ALG10: variants seen among roughly 807,000 people sequenced by gnomAD.
ALG10 encodes dol-P-Glc:Glc(2)Man(9)GlcNAc(2)-PP-Dol alpha-1,2-glucosyltransferase A.
Under a neutral mutation model 39.2 loss-of-function variants are expected in ALG10, and 25 were observed. The ratio of observed to expected loss-of-function variants is 0.64; its 90% CI spans 0.46 to 0.89. ALG10 has a LOEUF of 0.89. Among genes scored for constraint, ALG10 ranks in the 40% least tolerant of loss-of-function variants. The pLI is 0.00. For synonymous variants in ALG10, 184 were observed against 193.9 expected (o/e 0.95, Z 0.42); for missense variants, 486 against 546.6 (o/e 0.89, Z 1.11).
chr12:34,028,140 C>T lies in ALG10; in HGVS notation c.*1225C>T, dbSNP rs543430953. On this transcript the variant is annotated 3_prime_UTR_variant, in exon 3 of 3. Transcript: ENST00000266483. ...TCAGTCCATGACAGTTACTAAAGGA[C>T]ATTTTAGGATAGTCTTCATATGATT... is the stretch of plus-strand genomic sequence containing the variant. The T allele has an allele frequency of 1.3e-5, 2 of 152,196 alleles. No homozygotes were observed. Among genetic ancestry groups the T allele is most frequent in the South Asian group, 4.2e-4 (2 of 4,818 alleles). 9.4% of individuals were successfully genotyped at this position (152,196 alleles called of 1,614,324 possible). A position where few individuals can be genotyped will look rare whatever the true frequency, so the allele number is the denominator to read the frequency against.
intron 1 of ALG10, 57 bp downstream of exon 1, chr12:34,022,827 C>T: frequency 6.2e-7 from 1 of 1,610,260 alleles, no homozygotes; most frequent in Non-Finnish European, 8.5e-7. Context: ...CCAGCGTCCC[C>T]ACGTCCTCCC....
rs1591869946 is a variant in ALG10 at position 34,024,033 on chromosome 12, G to A, written c.243G>A (p.Trp81Ter). The A allele has an allele frequency of 1.9e-6, 3 of 1,614,134 alleles. No homozygotes were observed. The highest frequency in any genetic ancestry group is 2.5e-6 in the Non-Finnish European group (3 of 1,180,006). Reference protein sequence around the residue: ...VSIGVIKPAIWIFGWSEHVVC... With the variant: ...VSIGVIKPAI Reference sequence around the variant, plus strand: ...TTGGAGTGATCAAACCTGCCATTTGGATCTTTGGATGGTCTGAACATGTTG... The same window carrying A: ...TTGGAGTGATCAAACCTGCCATTTGAATCTTTGGATGGTCTGAACATGTTG... Residue 81 changes from tryptophan (W) to a stop codon, truncating the protein, a stop_gained, in exon 2 of 3, where the codon TGG becomes TGA. Transcript: ENST00000266483. LOFTEE classifies it high-confidence loss of function.
intron 2 of ALG10, 75 bp downstream of exon 2, chr12:34,024,234 T>G (rs1205283198): frequency 1.0e-5 from 16 of 1,547,406 alleles, no homozygotes; most frequent in South Asian, 1.1e-5. Context: ...TTTTATGAGA[T>G]TTGGTGAAAA....
At chr12:34,025,237 G>T (rs1286523234) in intron 2 of ALG10, among the ~76,000 whole-genome samples, 1 of 152,098 alleles carries the variant, frequency 6.6e-6, no homozygotes, top group African/African-American at 2.4e-5. Flanking sequence ...TACAATTCAA[G>T]AACATAAGAA....
At chr12:34,024,592 C>G (rs1384647335) in intron 2 of ALG10, among the ~76,000 whole-genome samples, 1 of 152,146 alleles carries the variant, frequency 6.6e-6, no homozygotes, top group Non-Finnish European at 1.5e-5. Flanking sequence ...TGCCACTTAA[C>G]CAGTTTTGTT....
At chr12:34,025,183 G>T (rs1843015) in intron 2 of ALG10, among the ~76,000 whole-genome samples, 2 of 152,212 alleles carry the variant, frequency 1.3e-5, no homozygotes, top group South Asian at 4.1e-4. Context: ...TTTTAATCAA[G>T]GAAATGGCAT....
In ALG10 at chr12:34,024,074, T is replaced by G; in HGVS notation, c.284T>G (p.Met95Arg). ...WSEHVVCSIGMLRFVNLLFSV... is the reference protein window; with the variant it reads ...WSEHVVCSIGRLRFVNLLFSV... ...GAACATGTTGTCTGCTCCATTGGGATGCTCAGATTTGTTAATCTTCTCTTC... is the reference window on the plus strand; with the variant it reads ...GAACATGTTGTCTGCTCCATTGGGAGGCTCAGATTTGTTAATCTTCTCTTC... Residue 95 changes from methionine (M) to arginine (R), a missense_variant, in exon 2 of 3, where the codon ATG becomes AGG. Met to Arg is a moderately conservative substitution (Grantham distance 91). Coordinates refer to ENST00000266483, the MANE Select transcript of ALG10 (RefSeq NM_032834.4). 2 of 1,614,188 alleles carry G rather than the reference T, an allele frequency of 1.2e-6. No individual in the cohort carries two copies. The highest frequency in any genetic ancestry group is 3.3e-4 in the Middle Eastern group (2 of 6,062).
rs1942788007 is a variant in ALG10, at chr12:34,022,526, A to G, written c.-74A>G. On this transcript the variant is annotated 5_prime_UTR_variant, in exon 1 of 3. Transcript: ENST00000266483. ...CGCCTAGCGCGCCCATTTCGAGCCCAAGTTTCCAGCTCGGGTTTCCAGGCT... is the reference window on the plus strand; with the variant it reads ...CGCCTAGCGCGCCCATTTCGAGCCCGAGTTTCCAGCTCGGGTTTCCAGGCT... 3 of 1,612,310 alleles carry G rather than the reference A, an allele frequency of 1.9e-6. No homozygotes were observed. The highest frequency in any genetic ancestry group is 1.1e-5 in the South Asian group (1 of 91,002).
chr12:34,027,038 T>C lies in ALG10; in HGVS notation c.*123T>C. 9.8e-7 allele frequency: 1 copy of C among 1,017,826 alleles called. No homozygotes were observed. The highest frequency in any genetic ancestry group is 1.4e-6 in the Non-Finnish European group (1 of 724,604). The allele number at this position is 1,017,826 out of a possible 1,614,324, so 63.0% of individuals were successfully genotyped here. ...TGCAGTGGTGGTCTTCAAATTACATTAGTTTTTTTTATATATATTTTAAAC... is the reference window on the plus strand; with the variant it reads ...TGCAGTGGTGGTCTTCAAATTACATCAGTTTTTTTTATATATATTTTAAAC... On this transcript the variant is annotated 3_prime_UTR_variant, in exon 3 of 3. Coordinates refer to ENST00000266483, the MANE Select transcript of ALG10 (RefSeq NM_032834.4).
intron 1 of ALG10, 153 bp from the exon 2 acceptor site, chr12:34,023,809 A>T: frequency 9.4e-7 from 1 of 1,065,784 alleles, no homozygotes; most frequent in Non-Finnish European, 1.4e-6. Flanking sequence ...AGAAAAACGA[A>T]TCCTGTTCTG....
intron 2 of ALG10, among the ~76,000 whole-genome samples, chr12:34,024,869 A>G (rs1357586711): frequency 1.3e-5 from 2 of 152,162 alleles, no homozygotes; most frequent in East Asian, 1.9e-4. Flanking sequence ...GGAGCAGGGG[A>G]ACACTTACTG....
upstream of ALG10, chr12:34,022,475 G>T (rs1294814695): frequency 2.7e-6 from 4 of 1,487,046 alleles, no homozygotes; most frequent in Non-Finnish European, 3.7e-6. Context: ...TTTGCCTTCC[G>T]GTATGTGGCC....
rs763725201 is a variant in ALG10, at chr12:34,026,845, C to CT, written c.1358dup (p.Ile454HisfsTer12). ...TGCTATGCAGTTGTTAATTTCATAA[C>CT]TTTTTTCATCTTTCTGAACAAGACT... On this transcript the variant is annotated frameshift_variant, in exon 3 of 3. Transcript: ENST00000266483. LOFTEE classifies it high-confidence loss of function. 3 of 1,613,664 alleles carry CT rather than the reference C, an allele frequency of 1.9e-6. No homozygotes were observed. Among genetic ancestry groups the CT allele is most frequent in the African/African-American group, 1.3e-5 (1 of 74,896 alleles).
At chr12:34,022,481 T>A, upstream of ALG10, 1 of 1,519,782 alleles carries the variant, frequency 6.6e-7, no homozygotes, top group Non-Finnish European at 9.1e-7. Flanking sequence ...TTCCGGTATG[T>A]GGCCCCGTCT....
At position 34,026,767 on chromosome 12, in the gene ALG10, A is replaced by G. The variant is rs766607463; in HGVS notation, c.1274A>G (p.Tyr425Cys). The G allele has an allele frequency of 1.2e-5, 20 of 1,613,958 alleles. No homozygotes were observed. Among genetic ancestry groups the G allele is most frequent in the Non-Finnish European group, 1.7e-5 (20 of 1,179,884 alleles). The change falls in exon 3 of 3, where the codon TAT becomes TGT. Residue 425 changes from tyrosine (Y) to cysteine (C), a missense_variant. Physicochemically the swap from Tyr to Cys is radical, Grantham distance 194. Coordinates refer to ENST00000266483, the MANE Select transcript of ALG10 (RefSeq NM_032834.4). Reference sequence around the variant, plus strand: ...TACTTCATTTTACCTTATGTCATTTATAGGCTTAACATACCTCTGCCTCCC... The same window carrying G: ...TACTTCATTTTACCTTATGTCATTTGTAGGCTTAACATACCTCTGCCTCCC... ...FRYFILPYVI[Y>C]RLNIPLPPTS... is the part of the protein sequence containing the mutation.
rs374962518 is a variant in ALG10 at position 34,026,457 on chromosome 12, C to T, written c.964C>T (p.Arg322Cys). The change falls in exon 3 of 3, where the codon CGT becomes TGT. Residue 322 changes from arginine to cysteine, a missense_variant. Arg to Cys is a radical substitution (Grantham distance 180). Transcript: ENST00000266483. ...GACTTTTCTTTCCTTAGTTTGGAAA[C>T]GTAGAATTCTGTTTTTTGTGGTTAC... Reference protein sequence around the residue: ...IKTFLSLVWKRRILFFVVTLV... With the variant: ...IKTFLSLVWKCRILFFVVTLV... 14 of 1,613,786 alleles carry T rather than the reference C, an allele frequency of 8.7e-6. No individual in the cohort carries two copies. The highest frequency in any genetic ancestry group is 8.0e-5 in the African/African-American group (6 of 74,852).
At chr12:34,025,731 A>T in intron 2 of ALG10, 132 bp from the exon 3 acceptor site, 1 of 1,138,936 alleles carries the variant, frequency 8.8e-7, no homozygotes, top group Non-Finnish European at 1.3e-6. Context: ...AGATAAGATT[A>T]ATATTGATTA....
chr12:34,022,689 G>A lies in ALG10; in HGVS notation c.90G>A (p.Ala30=), dbSNP rs761761349. Residue 30 remains alanine, a synonymous_variant, in exon 1 of 3, where the codon GCG becomes GCA. Coordinates refer to ENST00000266483, the MANE Select transcript of ALG10 (RefSeq NM_032834.4). Reference sequence around the variant, plus strand: ...TCCTCTTCTCCGCCTTCAGCCGGGCGTTGCGAGAGCCCTACATGGACGAGA... The same window carrying A: ...TCCTCTTCTCCGCCTTCAGCCGGGCATTGCGAGAGCCCTACATGGACGAGA... ...SCLLFSAFSR[A]LREPYMDEIF... The A allele has an allele frequency of 6.2e-7, 1 of 1,614,094 alleles. No individual in the cohort carries two copies. The highest frequency in any genetic ancestry group is 8.5e-7 in the Non-Finnish European group (1 of 1,180,014).
intron 2 of ALG10, among the ~76,000 whole-genome samples, chr12:34,025,239 A>G (rs74481864): frequency 0.17 from 26,414 of 152,162 alleles, 2,377 homozygotes; most frequent in Non-Finnish European, 0.19. Context: ...CAATTCAAGA[A>G]CATAAGAACA....
Sources: gnomAD v4.1 joint callset for allele counts (sites outside exome capture counted in the v4.1 genomes callset) on GRCh38, gnomAD v4.1.1 for gene constraint, MANE v1.5 for transcripts, NCBI Gene and HGNC (gene_info 2026-07-23, HGNC 2026-07-21) for gene names.